Variants in MMP26 observed in about 807,000 individuals in gnomAD.
The protein encoded by MMP26 is matrix metallopeptidase 26, also known as matrix metalloproteinase-26.
In MMP26, 33 loss-of-function variants were observed where a neutral mutation model predicts 31.0. The observed-to-expected ratio is 1.06, with a 90% confidence interval of 0.81 to 1.42. The LOEUF is 1.42. Among genes scored for constraint, MMP26 ranks in the 40% most tolerant of loss-of-function variants. The pLI is 0.00. For missense variants in MMP26, 347 were observed against 316.1 expected, an observed-to-expected ratio of 1.10 and a Z score of -0.74; for synonymous variants, 122 against 114.9, an observed-to-expected ratio of 1.06 and a Z score of -0.40.
At chr11:4,813,702 A>G (rs1452144161) in intron 2 of MMP26, among the ~76,000 whole-genome samples, 1 of 152,148 alleles carries the variant, frequency 6.6e-6, no homozygotes, top group Non-Finnish European at 1.5e-5. Flanking sequence ...AGCTAAAGCT[A>G]TAGAGCTTCT....
intron 2 of MMP26, among the ~76,000 whole-genome samples, chr11:4,830,939 T>C (rs994446165): frequency 6.6e-6 from 1 of 152,154 alleles, no homozygotes; most frequent in Non-Finnish European, 1.5e-5. Flanking sequence ...TGTAAGGTGG[T>C]GAGTACTTTA....
At chr11:4,771,191 G>C (rs1848713987) in intron 2 of MMP26, among the ~76,000 whole-genome samples, 1 of 152,180 alleles carries the variant, frequency 6.6e-6, no homozygotes, top group Non-Finnish European at 1.5e-5. Flanking sequence ...AAATGTAGCA[G>C]ATAATGAGAA....
chr11:4,874,820 T>C (rs1850357862), intron 2 of MMP26, among the ~76,000 whole-genome samples: 1 of 152,120 alleles, frequency 6.6e-6, no homozygotes, highest in African/African-American at 2.4e-5. Flanking sequence ...ATTTTAATCT[T>C]GATCTTTATC....
At chr11:4,732,966 G>A (rs543355907) in intron 1 of MMP26, among the ~76,000 whole-genome samples, 7 of 152,320 alleles carry the variant, frequency 4.6e-5, no homozygotes, top group South Asian at 4.1e-4. Context: ...GACAGGACAC[G>A]TGAGTGTATA....
chr11:4,941,332 C>T (rs985245831), intron 2 of MMP26, among the ~76,000 whole-genome samples: 1 of 152,118 alleles, frequency 6.6e-6, no homozygotes, highest in African/African-American at 2.4e-5. Flanking sequence ...TACTAGAATG[C>T]ACTTATAATC....
At chr11:4,716,016 G>C (rs1202529064) in intron 1 of MMP26, among the ~76,000 whole-genome samples, 1 of 152,174 alleles carries the variant, frequency 6.6e-6, no homozygotes, top group Non-Finnish European at 1.5e-5. Flanking sequence ...TGCTGGATTT[G>C]AAGACCTAAG....
At chr11:4,984,401 C>T (rs1258455265) in intron 2 of MMP26, among the ~76,000 whole-genome samples, 4 of 152,142 alleles carry the variant, frequency 2.6e-5, no homozygotes, top group Non-Finnish European at 4.4e-5. Context: ...AGCGTATGCG[C>T]TCAATAAGTT....
intron 1 of MMP26, chr11:4,710,210 C>G (rs1024603244): frequency 4.4e-6 from 2 of 456,766 alleles, no homozygotes; most frequent in South Asian, 1.5e-5. Context: ...TAGACTCTGT[C>G]TTGATCCTCA....
intron 1 of MMP26, among the ~76,000 whole-genome samples, chr11:4,765,598 G>C (rs919719267): frequency 6.6e-6 from 1 of 152,104 alleles, no homozygotes; most frequent in Non-Finnish European, 1.5e-5. Flanking sequence ...CGTAGCTCTG[G>C]CTTTTGGTGG....
At chr11:4,786,408 G>A (rs181870211) in intron 2 of MMP26, among the ~76,000 whole-genome samples, 2 of 148,148 alleles carry the variant, frequency 1.3e-5, no homozygotes, top group East Asian at 2.1e-4. Context: ...TATGAGAGTA[G>A]GATGGGATCT....
chr11:4,724,243 T>C (rs1440862118), intron 1 of MMP26: 2 of 415,342 alleles, frequency 4.8e-6, no homozygotes, highest in Non-Finnish European at 8.7e-6. Context: ...CTAGGTCTTA[T>C]TACCATAAGT....
intron 2 of MMP26, among the ~76,000 whole-genome samples, chr11:4,831,542 T>TA (rs1293407645): frequency 6.6e-6 from 1 of 152,214 alleles, no homozygotes; most frequent in Non-Finnish European, 1.5e-5. Context: ...TAATATTCTT[T>TA]AAAAATAGAA....
At chr11:4,823,024 T>A (rs958086551) in intron 2 of MMP26, among the ~76,000 whole-genome samples, 3 of 152,150 alleles carry the variant, frequency 2.0e-5, no homozygotes, top group African/African-American at 4.8e-5. Context: ...CATTTTTTTT[T>A]AAACCAAGAT....
intron 2 of MMP26, among the ~76,000 whole-genome samples, chr11:4,949,455 C>A (rs1846350103): frequency 8.2e-6 from 1 of 122,230 alleles, no homozygotes; most frequent in Non-Finnish European, 1.8e-5. Context: ...AAGTATTGTT[C>A]TTGTAAAAAA....
chr11:4,790,279 G>A (rs1273205265), intron 2 of MMP26, among the ~76,000 whole-genome samples: 1 of 152,076 alleles, frequency 6.6e-6, no homozygotes, highest in Non-Finnish European at 1.5e-5. Flanking sequence ...AGGTGCGGAG[G>A]CTGCGGTGAG....
At chr11:4,831,076 G>A (rs1350906824) in intron 2 of MMP26, among the ~76,000 whole-genome samples, 2 of 152,150 alleles carry the variant, frequency 1.3e-5, no homozygotes, top group African/African-American at 2.4e-5. Flanking sequence ...AAAAAATTTT[G>A]CAGCATACAG....
intron 2 of MMP26, among the ~76,000 whole-genome samples, chr11:4,850,798 A>G (rs1849965140): frequency 1.3e-5 from 2 of 151,540 alleles, no homozygotes; most frequent in African/African-American, 4.8e-5. Flanking sequence ...CAGACTTTTA[A>G]AAAGCAATAA....
In MMP26 at chr11:4,718,412, C is replaced by T. The variant is rs533229455; in HGVS notation, c.-217+13367C>T. Reference sequence around the variant, plus strand: ...TGTATCCTCAGGGAACCATTCATTTCCTGTTTTCTGCTCCTTTGTTTGATG... The same window carrying T: ...TGTATCCTCAGGGAACCATTCATTTTCTGTTTTCTGCTCCTTTGTTTGATG... On this transcript the variant is annotated intron_variant, in intron 1 of 7. Coordinates refer to ENST00000380390, the MANE Select transcript of MMP26 (RefSeq NM_021801.5). Among the ~76,000 whole-genome samples the T allele has an allele frequency of 1.1e-3, 164 of 152,286 alleles. 1 individual carries two copies. The South Asian group carries it at 0.017, about 16-fold the overall frequency.
At chr11:4,880,713 G>T (rs899157087) in intron 2 of MMP26, among the ~76,000 whole-genome samples, 4 of 152,164 alleles carry the variant, frequency 2.6e-5, no homozygotes, top group South Asian at 2.1e-4. Context: ...AATATCAGTT[G>T]TGCCTCATTA....
Sources: allele counts gnomAD v4.1 joint callset (sites outside exome capture counted in the v4.1 genomes callset), GRCh38; gene constraint gnomAD v4.1.1; transcripts MANE v1.5; gene names NCBI Gene and HGNC (gene_info 2026-07-23, HGNC 2026-07-21).